Variants in HMG20B observed in about 807,000 individuals in gnomAD.
The protein encoded by HMG20B is high mobility group 20B.
HMG20B carries 24 observed loss-of-function variants against 41.6 expected under a neutral mutation model. The ratio of observed to expected loss-of-function variants is 0.58; its 90% confidence interval spans 0.42 to 0.81. HMG20B has a LOEUF of 0.81. Among genes scored for constraint, HMG20B ranks in the 30% least tolerant of loss-of-function variants. HMG20B has a pLI of 0.00. For synonymous variants in HMG20B, 251 were observed against 186.6 expected, an observed-to-expected ratio of 1.34 and a Z score of -2.81; for missense variants, 461 against 444.0, an observed-to-expected ratio of 1.04 and a Z score of -0.34.
chr19:3,576,856 G>T, intron 7 of HMG20B, 36 bp from the exon 8 acceptor site: 1 of 1,548,164 alleles, frequency 6.5e-7, no homozygotes, highest in Non-Finnish European at 8.7e-7. Context: ...GGGGAAAGGG[G>T]AGGCGCAGGC....
In HMG20B at chr19:3,578,767, C is replaced by T. The variant is rs751582635; in HGVS notation, c.*246C>T. ...CAGAAGAACCTCACAGCCGAGGGTG[C>T]CCCTCCTCGGAGGACAGCCACGCGC... On this transcript the variant is annotated 3_prime_UTR_variant, in exon 10 of 10. Coordinates refer to ENST00000333651, the MANE Select transcript of HMG20B (RefSeq NM_006339.3). The T allele has an allele frequency of 1.3e-6, 1 of 750,210 alleles. No homozygotes were observed. Among genetic ancestry groups the T allele is most frequent in the Admixed American group, 1.8e-5 (1 of 55,868 alleles). 46.5% of individuals were successfully genotyped at this position (750,210 alleles called of 1,614,324 possible).
chr19:3,574,715 C>CT (rs142748294), intron 4 of HMG20B, 129 bp downstream of exon 4: 48,375 of 574,362 alleles, frequency 0.084, 64 homozygotes, highest in East Asian at 0.11. Flanking sequence ...CCATAACCAA[C>CT]TTTTTTTTTT....
Position 3,573,484 on chromosome 19 carries a change from T to C in HMG20B, c.38+137T>C, listed in dbSNP as rs528440323. 339 of 1,002,888 alleles carry C rather than the reference T, an allele frequency of 3.4e-4. 4 individuals carry two copies. In the South Asian group the frequency reaches 5.7e-3, roughly 17 times the overall value. 62.1% of individuals were successfully genotyped at this position (1,002,888 alleles called of 1,614,324 possible). On this transcript the variant is annotated intron_variant, in intron 2 of 9. Coordinates refer to ENST00000333651, the MANE Select transcript of HMG20B (RefSeq NM_006339.3). ...TCAGGGGGCTTCTCCCTCCACCCAATTCTGCACCCCCCACCTCGGCCTCCA... is the reference window on the plus strand; with the variant it reads ...TCAGGGGGCTTCTCCCTCCACCCAACTCTGCACCCCCCACCTCGGCCTCCA...
intron 9 of HMG20B, 191 bp downstream of exon 9, chr19:3,578,304 C>T (rs2032217999): frequency 8.0e-6 from 9 of 1,125,278 alleles, no homozygotes; most frequent in Non-Finnish European, 1.1e-5. Context: ...CCCGGGCCGG[C>T]GGGACCCACT....
rs189958615 is a variant in HMG20B, at chr19:3,573,405, T to C, written c.38+58T>C. On this transcript the variant is annotated intron_variant, in intron 2 of 9. Coordinates refer to ENST00000333651, the MANE Select transcript of HMG20B (RefSeq NM_006339.3). ...CTACTTTCCCGGCTGCAGCCCTAGC[T>C]CCTGAACCCCTGACCCAGTCCCTCC... 42 of 1,458,208 alleles carry C rather than the reference T, an allele frequency of 2.9e-5. No homozygotes were observed. In the East Asian group the frequency reaches 1.1e-3, roughly 40 times the overall value. The allele number at this position is 1,458,208 out of a possible 1,614,324, so 90.3% of individuals were successfully genotyped here. A position where few individuals can be genotyped will look rare whatever the true frequency, so the allele number is the denominator to read the frequency against.
At chr19:3,576,773 G>A in intron 7 of HMG20B, 119 bp from the exon 8 acceptor site, 1 of 1,288,230 alleles carries the variant, frequency 7.8e-7, no homozygotes, top group South Asian at 1.3e-5. Flanking sequence ...AGAGGCTGAT[G>A]TGGAGCAGGA....
chr19:3,578,464 A>G (rs772571761), intron 9 of HMG20B, 45 bp from the exon 10 acceptor site: 1 of 1,489,836 alleles, frequency 6.7e-7, no homozygotes, highest in Non-Finnish European at 8.9e-7. Flanking sequence ...GGTGGGGGCC[A>G]GAGATGATGA....
rs993518746 is a variant in HMG20B at position 3,574,214 on chromosome 19, C to T, written c.148-169C>T. On this transcript the variant is annotated intron_variant, in intron 3 of 9. Coordinates refer to ENST00000333651, the MANE Select transcript of HMG20B (RefSeq NM_006339.3). Reference sequence around the variant, plus strand: ...CCTGGCCAGGGATCCCTCTAACCCACCGTGTCCCGACTGCTGACCGGGCCC... The same window carrying T: ...CCTGGCCAGGGATCCCTCTAACCCATCGTGTCCCGACTGCTGACCGGGCCC... 10 of 650,926 alleles carry T rather than the reference C, an allele frequency of 1.5e-5. No homozygotes were observed. In the East Asian group the frequency reaches 2.7e-4, roughly 18 times the overall value. The allele number at this position is 650,926 out of a possible 1,614,324, so 40.3% of individuals were successfully genotyped here. A position where few individuals can be genotyped will look rare whatever the true frequency, so the allele number is the denominator to read the frequency against.
intron 1 of HMG20B, 108 bp downstream of exon 1, chr19:3,573,102 CG>C (rs566457110): frequency 6.9e-5 from 35 of 508,176 alleles, no homozygotes; most frequent in South Asian, 1.9e-4. Context: ...CCAGGCCTCC[CG>C]GGGGGGGCAA....
At chr19:3,576,515 T>C in intron 6 of HMG20B, 38 bp from the exon 7 acceptor site, 1 of 1,584,444 alleles carries the variant, frequency 6.3e-7, no homozygotes, top group East Asian at 2.2e-5. Flanking sequence ...GGCTGCCTCC[T>C]ACCACCAGTA....
intron 2 of HMG20B, 66 bp downstream of exon 2, chr19:3,573,413 C>G: frequency 1.4e-6 from 2 of 1,428,556 alleles, no homozygotes. Context: ...GCTCCTGAAC[C>G]CCTGACCCAG....
At chr19:3,577,224 C>T (rs2032187886) in intron 8 of HMG20B, 117 bp downstream of exon 8, 7 of 754,400 alleles carry the variant, frequency 9.3e-6, no homozygotes, top group Middle Eastern at 4.0e-4. Context: ...GCCCCGTCCC[C>T]TCTTCCCCAG....
Position 3,576,277 on chromosome 19 carries a change from G to A in HMG20B, c.489G>A (p.Gly163=). The A allele has an allele frequency of 1.2e-6, 2 of 1,613,772 alleles. No individual in the cohort carries two copies. The highest frequency in any genetic ancestry group is 1.7e-6 in the Non-Finnish European group (2 of 1,179,826). Residue 163 remains glycine (G), a synonymous_variant, in exon 6 of 10, where the codon GGG becomes GGA. Coordinates refer to ENST00000333651, the MANE Select transcript of HMG20B (RefSeq NM_006339.3). The part of the protein sequence containing the change: ...KKIKKEDSSS[G]LMNTLLNGHK... ...CCCCGCCAGAAGACTCGAGCTCTGG[G>A]CTCATGAACACTCTCCTGAATGGAC...
Position 3,578,084 on chromosome 19 carries a change from C to T in HMG20B, c.912C>T (p.Arg304=), listed in dbSNP as rs762077009. 6.2e-7 allele frequency: 1 copy of T among 1,611,546 alleles called. No individual in the cohort carries two copies. Among genetic ancestry groups the T allele is most frequent in the East Asian group, 2.2e-5 (1 of 44,852 alleles). The change falls in exon 9 of 10, where the codon CGC becomes CGT. Residue 304 remains arginine (R), a synonymous_variant. Transcript: ENST00000333651. ...CCCAGCACGAGAAGCTCATCGTCCGCATCAAGGAAATCCTGGCCCAGGTCG... is the reference window on the plus strand; with the variant it reads ...CCCAGCACGAGAAGCTCATCGTCCGTATCAAGGAAATCCTGGCCCAGGTCG... ...DPAQHEKLIV[R]IKEILAQVAS... is the part of the protein sequence containing the mutation.
At position 3,573,365 on chromosome 19, in the gene HMG20B, C is replaced by A; in HGVS notation, c.38+18C>A. On this transcript the variant is annotated intron_variant, in intron 2 of 9. Coordinates refer to ENST00000333651, the MANE Select transcript of HMG20B (RefSeq NM_006339.3). ...GCCGCCGCGTGAGTGCACTGATCCC[C>A]TCCCCACGCCCTCGCTACTTTCCCG... 1 of 1,521,418 alleles carries A rather than the reference C, an allele frequency of 6.6e-7. No homozygotes were observed. The highest frequency in any genetic ancestry group is 8.8e-7 in the Non-Finnish European group (1 of 1,134,310). The allele number at this position is 1,521,418 out of a possible 1,614,324, so 94.2% of individuals were successfully genotyped here.
intron 2 of HMG20B, 95 bp from the exon 3 acceptor site, chr19:3,573,597 C>A: frequency 8.7e-7 from 1 of 1,154,498 alleles, no homozygotes; most frequent in Non-Finnish European, 1.2e-6. Context: ...ACTCTCGCTG[C>A]AGCCCCGCCG....
Position 3,579,076 on chromosome 19 carries a change from T to C in HMG20B, c.*555T>C. 1 of 335,916 alleles carries C rather than the reference T, an allele frequency of 3.0e-6. No individual in the cohort carries two copies. The highest frequency in any genetic ancestry group is 8.4e-5 in the East Asian group (1 of 11,848). 20.8% of individuals were successfully genotyped at this position (335,916 alleles called of 1,614,324 possible). ...TTTAAATAAAAACAAGTAAAATTTG[T>C]GTTTTAAGCTTGTGAGTGTGTAAGC... On this transcript the variant is annotated 3_prime_UTR_variant, in exon 10 of 10. Transcript: ENST00000333651. The surrounding 1 kb of genome is among the most constrained non-coding windows in gnomAD (Gnocchi z 7.4).
rs1416998838 is a variant in HMG20B, at chr19:3,574,462, G to C, written c.227G>C (p.Gly76Ala). ...LPNGPKAPVT[G>A]YVRFLNERRE... The stretch of plus-strand genomic sequence containing the variant: ...AATGGGCCCAAGGCACCGGTCACGG[G>C]CTACGTGCGCTTCCTGAACGAGCGG... The change falls in exon 4 of 10, where the codon GGC becomes GCC. Residue 76 changes from glycine to alanine, a missense_variant. By Grantham distance (60) the Gly-to-Ala change is moderately conservative. Coordinates refer to ENST00000333651, the MANE Select transcript of HMG20B (RefSeq NM_006339.3). 3 of 1,609,032 alleles carry C rather than the reference G, an allele frequency of 1.9e-6. No homozygotes were observed. In the Admixed American group the frequency reaches 5.0e-5, roughly 27 times the overall value.
intron 1 of HMG20B, 118 bp from the exon 2 acceptor site, chr19:3,573,174 G>A: frequency 2.6e-6 from 2 of 764,296 alleles, no homozygotes; most frequent in South Asian, 2.1e-5. Flanking sequence ...CCTGGATCCG[G>A]CCCCCCCAGC....
Sources: gnomAD v4.1 joint callset for allele counts on GRCh38, gnomAD v4.1.1 for gene constraint, Gnocchi (gnomAD v3.1) non-coding constraint, MANE v1.5 for transcripts, NCBI Gene and HGNC (gene_info 2026-07-23, HGNC 2026-07-21) for gene names.